Variants in RANBP2 observed in about 807,000 individuals in gnomAD.
RANBP2 encodes the protein RAN binding protein 2.
Under a neutral mutation model 303.6 loss-of-function variants are expected in RANBP2, and 57 were observed. The ratio of observed to expected loss-of-function variants is 0.19; its 90% CI spans 0.15 to 0.23. RANBP2 has a LOEUF of 0.23. RANBP2 is among the 10% of genes least tolerant of loss of function. RANBP2 has a pLI of 1.00. For synonymous variants in RANBP2, 1,167 were observed against 1,301.5 expected (o/e 0.90, Z 2.23); for missense variants, 3,138 against 3,780.8 (o/e 0.83, Z 4.46).
the RANBP2 span, among the ~76,000 whole-genome samples, chr2:109,582,075 GACACACACACAC>G: frequency 9.5e-3 from 1,371 of 143,858 alleles, 10 homozygotes; most frequent in African/African-American, 0.023. Flanking sequence ...ATGTACAACA[GACACACACACAC>G]ACACACACAC....
the RANBP2 span, among the ~76,000 whole-genome samples, chr2:109,084,599 C>T: frequency 1.3e-5 from 2 of 152,302 alleles, no homozygotes; most frequent in South Asian, 4.1e-4. Context: ...CTTGTCTTTG[C>T]TTCTCAGAGG....
chr2:109,420,385 G>A, the RANBP2 span, among the ~76,000 whole-genome samples: 4 of 152,182 alleles, frequency 2.6e-5, no homozygotes, highest in African/African-American at 9.7e-5. Flanking sequence ...ACGTCAGAGG[G>A]ACACTCAGAA....
At chr2:109,395,339 T>C in the RANBP2 span, among the ~76,000 whole-genome samples, 82 of 152,296 alleles carry the variant, frequency 5.4e-4, no homozygotes, top group Non-Finnish European at 1.5e-4. Context: ...AAGGGGTCCA[T>C]GGAGAAGCCC....
the RANBP2 span, among the ~76,000 whole-genome samples, chr2:109,397,010 G>A: frequency 7.0e-4 from 107 of 152,300 alleles, 1 homozygote; most frequent in Admixed American, 1.0e-3. Flanking sequence ...CCCCCCGGTG[G>A]CCTACCTGCA....
chr2:109,528,711 C>G, the RANBP2 span, among the ~76,000 whole-genome samples: 1 of 152,158 alleles, frequency 6.6e-6, no homozygotes, highest in African/African-American at 2.4e-5. Context: ...GATGGAACCA[C>G]GGTCCCCAAA....
chr2:108,989,764 A>C, the RANBP2 span, among the ~76,000 whole-genome samples: 1 of 152,174 alleles, frequency 6.6e-6, no homozygotes, highest in Non-Finnish European at 1.5e-5. Flanking sequence ...CAACATTTTG[A>C]AAGGACATAC....
At chr2:109,029,000 G>T in the RANBP2 span, among the ~76,000 whole-genome samples, 6 of 151,966 alleles carry the variant, frequency 3.9e-5, no homozygotes, top group Non-Finnish European at 5.9e-5. Flanking sequence ...GCCCAGGCTG[G>T]TCTCAAACTC....
chr2:109,692,681 A>G, the RANBP2 span, among the ~76,000 whole-genome samples: 6 of 152,136 alleles, frequency 3.9e-5, no homozygotes, highest in Non-Finnish European at 7.3e-5. Context: ...TAAGTCAATC[A>G]TTTGGTTTCC....
At chr2:109,110,677 G>A in the RANBP2 span, among the ~76,000 whole-genome samples, 11 of 152,206 alleles carry the variant, frequency 7.2e-5, no homozygotes, top group Non-Finnish European at 1.6e-4. Context: ...TCTGCACTCT[G>A]TCTGGGACAG....
At chr2:109,734,433 T>C in the RANBP2 span, among the ~76,000 whole-genome samples, 8 of 152,006 alleles carry the variant, frequency 5.3e-5, no homozygotes, top group African/African-American at 1.9e-4. Flanking sequence ...ACTGAAGAGG[T>C]GAAAGATTAA....
At chr2:108,843,893 T>C in the RANBP2 span, among the ~76,000 whole-genome samples, 187 of 142,734 alleles carry the variant, frequency 1.3e-3, 2 homozygotes, top group African/African-American at 4.7e-3. Flanking sequence ...TTTCTTTTTT[T>C]TTTTTTTTTT....
the RANBP2 span, among the ~76,000 whole-genome samples, chr2:109,654,006 T>C: frequency 6.6e-6 from 1 of 152,180 alleles, no homozygotes; most frequent in African/African-American, 2.4e-5. Context: ...GCAGAGGTGA[T>C]GAATAAGTCT....
chr2:108,964,437 C>T, the RANBP2 span, among the ~76,000 whole-genome samples: 1 of 152,098 alleles, frequency 6.6e-6, no homozygotes, highest in Admixed American at 6.5e-5. Context: ...GTTCATCTTT[C>T]CCTAAACTGA....
At chr2:109,648,780 A>T in the RANBP2 span, among the ~76,000 whole-genome samples, 1 of 151,254 alleles carries the variant, frequency 6.6e-6, no homozygotes, top group East Asian at 2.0e-4. Flanking sequence ...CAGCCTCCCG[A>T]GTAGCTGGGA....
the RANBP2 span, among the ~76,000 whole-genome samples, chr2:109,323,072 T>C: frequency 2.6e-5 from 4 of 152,212 alleles, no homozygotes; most frequent in Non-Finnish European, 5.9e-5. Flanking sequence ...GGAGGGAGCT[T>C]GCAGACTTTG....
chr2:108,798,445 A>G, the RANBP2 span: 22 of 1,613,086 alleles, frequency 1.4e-5, no homozygotes, highest in Non-Finnish European at 1.8e-5. Flanking sequence ...CTGCAGCACA[A>G]CAGAAATTTG....
chr2:109,674,225 G>A, the RANBP2 span, among the ~76,000 whole-genome samples: 1 of 151,552 alleles, frequency 6.6e-6, no homozygotes, highest in East Asian at 1.9e-4. Flanking sequence ...AGATAATTGT[G>A]CTTGAATTTA....
At chr2:108,745,751 G>A (rs1190865413) in intron 7 of RANBP2, among the ~76,000 whole-genome samples, 1 of 151,902 alleles carries the variant, frequency 6.6e-6, no homozygotes, top group Non-Finnish European at 1.5e-5. Context: ...TTTTAAAGTA[G>A]GGTGTCATAT....
chr2:109,398,690 C>A, the RANBP2 span: 37 of 1,610,938 alleles, frequency 2.3e-5, no homozygotes, highest in South Asian at 4.1e-4. Flanking sequence ...GGCGCTGTGG[C>A]CAGCGTGGCC....
Sources: gnomAD v4.1 joint callset for allele counts (sites outside exome capture counted in the v4.1 genomes callset) on GRCh38, gnomAD v4.1.1 for gene constraint, MANE v1.5 for transcripts, NCBI Gene and HGNC (gene_info 2026-07-23, HGNC 2026-07-21) for gene names.